Variants in PKNOX2 observed in about 807,000 individuals in gnomAD.
The protein encoded by PKNOX2 is PBX/knotted 1 homeobox 2.
PKNOX2 carries 14 observed loss-of-function variants against 53.1 expected under a neutral mutation model. The observed-to-expected ratio is 0.26, with a 90% CI of 0.17 to 0.41. The LOEUF is 0.41. Ranked by LOEUF, PKNOX2 falls within the 10% of genes least tolerant of loss-of-function variation. The pLI is 1.00. For synonymous variants in PKNOX2, 257 were observed against 242.8 expected (o/e 1.06, Z -0.54); for missense variants, 496 against 602.8 (o/e 0.82, Z 1.85).
intron 3 of PKNOX2, among the ~76,000 whole-genome samples, chr11:125,335,548 G>A (rs1314825191): frequency 6.6e-6 from 1 of 152,154 alleles, no homozygotes; most frequent in Non-Finnish European, 1.5e-5. Context: ...CATCTCTTGT[G>A]CAGTTTCATC....
intron 3 of PKNOX2, among the ~76,000 whole-genome samples, chr11:125,336,694 C>G (rs1269359429): frequency 6.8e-6 from 1 of 146,686 alleles, no homozygotes; most frequent in African/African-American, 2.5e-5. Context: ...AGTATATTCT[C>G]TATATAATAT....
intron 2 of PKNOX2, among the ~76,000 whole-genome samples, chr11:125,295,022 G>A (rs144972699): frequency 1.3e-5 from 2 of 152,318 alleles, no homozygotes; most frequent in African/African-American, 4.8e-5. Context: ...CGCTTTAGCC[G>A]GGTCAGTTTG....
intron 4 of PKNOX2, among the ~76,000 whole-genome samples, chr11:125,363,887 C>T (rs73618202): frequency 0.025 from 3,749 of 152,298 alleles, 160 homozygotes; most frequent in African/African-American, 0.085. Context: ...CCCTGATTTG[C>T]AGCATTTGCC....
At chr11:125,409,002 G>GC (rs1359281376) in intron 7 of PKNOX2, among the ~76,000 whole-genome samples, 1 of 152,148 alleles carries the variant, frequency 6.6e-6, no homozygotes. Context: ...CAGCATTTGA[G>GC]CATGGGAATG....
At chr11:125,224,378 G>A (rs1591486843) in intron 1 of PKNOX2, among the ~76,000 whole-genome samples, 1 of 152,370 alleles carries the variant, frequency 6.6e-6, no homozygotes, top group East Asian at 1.9e-4. Flanking sequence ...AGAGTAATCT[G>A]TCCTCTGCTG....
chr11:125,376,377 C>T (rs1366322269), intron 5 of PKNOX2, among the ~76,000 whole-genome samples: 2 of 152,150 alleles, frequency 1.3e-5, no homozygotes, highest in South Asian at 2.1e-4. Flanking sequence ...GCCGCTGGCT[C>T]GCTCCCACCC....
At chr11:125,303,106 T>G (rs550897870) in intron 2 of PKNOX2, among the ~76,000 whole-genome samples, 26 of 152,232 alleles carry the variant, frequency 1.7e-4, no homozygotes, top group African/African-American at 6.3e-4. Flanking sequence ...GTGGGAAAAT[T>G]CCCATCACAC....
rs144453144 is a variant in PKNOX2, at chr11:125,273,225, A to G, written c.-130+38110A>G. On this transcript the variant is annotated intron_variant, in intron 2 of 12. Transcript: ENST00000298282. Reference sequence around the variant, plus strand: ...TGTGCTTCTCGCCACTTGAAATTCTACTAAGAACCCAGAGGAGCAGCTGAA... The same window carrying G: ...TGTGCTTCTCGCCACTTGAAATTCTGCTAAGAACCCAGAGGAGCAGCTGAA... Among the ~76,000 whole-genome samples, 700 of 152,296 alleles carry G rather than the reference A, an allele frequency of 4.6e-3. 5 individuals are homozygous for G. Among genetic ancestry groups the G allele is most frequent in the African/African-American group, 0.014 (584 of 41,560 alleles).
intron 2 of PKNOX2, among the ~76,000 whole-genome samples, chr11:125,305,421 G>C (rs865884354): frequency 6.6e-6 from 1 of 152,088 alleles, no homozygotes; most frequent in Non-Finnish European, 1.5e-5. Context: ...AGCCTGCTGC[G>C]AACTCCCTGA....
chr11:125,327,326 C>T (rs1949882571), intron 2 of PKNOX2, among the ~76,000 whole-genome samples: 1 of 152,186 alleles, frequency 6.6e-6, no homozygotes, highest in Non-Finnish European at 1.5e-5. Flanking sequence ...GTGGGAGCTA[C>T]AGTGCTGGAG....
intron 1 of PKNOX2, among the ~76,000 whole-genome samples, chr11:125,178,676 A>AGG (rs1398624429): frequency 2.0e-5 from 2 of 98,864 alleles, no homozygotes; most frequent in African/African-American, 5.6e-5. Context: ...GAAGGAAAGA[A>AGG]AGAGAGAGAG....
chr11:125,199,820 C>G (rs568076533), intron 1 of PKNOX2, among the ~76,000 whole-genome samples: 89 of 152,336 alleles, frequency 5.8e-4, no homozygotes, highest in African/African-American at 2.1e-3. Context: ...TCACTCCAGC[C>G]TGAGTGACAA....
chr11:125,273,099 C>T (rs1056658342), intron 2 of PKNOX2, among the ~76,000 whole-genome samples: 3 of 152,188 alleles, frequency 2.0e-5, no homozygotes, highest in Admixed American at 1.3e-4. Context: ...TTGTCAGGCC[C>T]GGAGAGACTG....
At chr11:125,419,137 G>A (rs1956037240) in intron 10 of PKNOX2, among the ~76,000 whole-genome samples, 1 of 151,936 alleles carries the variant, frequency 6.6e-6, no homozygotes. Context: ...GGTTCCTGGG[G>A]CAGGACCTGG....
At chr11:125,208,300 C>T (rs680926) in intron 1 of PKNOX2, among the ~76,000 whole-genome samples, 1 of 151,748 alleles carries the variant, frequency 6.6e-6, no homozygotes, top group East Asian at 1.9e-4. Flanking sequence ...GCCACAGAAC[C>T]GAGGTAGATT....
At position 125,352,690 on chromosome 11, in the gene PKNOX2, C is replaced by T. The variant is rs956823956; in HGVS notation, c.87+1298C>T. On this transcript the variant is annotated intron_variant, in intron 4 of 12. Coordinates refer to ENST00000298282, the MANE Select transcript of PKNOX2 (RefSeq NM_001382323.2). This position sits in a 1 kb window ranked among gnomAD's most constrained non-coding sequence, Gnocchi z 4.1. ...CACCTTTGCTCTGCCCTTGAAGGTC[C>T]AAAAGCCCTGGTCCTTCACCAATCT... 1.1e-4 allele frequency among the ~76,000 whole-genome samples: 17 copies of T among 152,136 alleles called. No homozygotes were observed. Among genetic ancestry groups the T allele is most frequent in the African/African-American group, 4.1e-4 (17 of 41,434 alleles).
chr11:125,198,360 C>T (rs538030564), intron 1 of PKNOX2, among the ~76,000 whole-genome samples: 11 of 152,240 alleles, frequency 7.2e-5, no homozygotes, highest in African/African-American at 2.4e-4. Context: ...GGGTAGAGGG[C>T]GATACGACAC....
At chr11:125,322,359 A>G (rs757784010) in intron 2 of PKNOX2, among the ~76,000 whole-genome samples, 10 of 152,166 alleles carry the variant, frequency 6.6e-5, no homozygotes, top group Non-Finnish European at 1.3e-4. Context: ...AAGTGCCGGT[A>G]GCCATCCCTC....
intron 2 of PKNOX2, among the ~76,000 whole-genome samples, chr11:125,246,185 C>A (rs537576297): frequency 1.3e-5 from 2 of 152,226 alleles, no homozygotes; most frequent in South Asian, 2.1e-4. Context: ...AGTTCTGGAG[C>A]CTGGGAAGTC....
Sources: gnomAD v4.1 joint callset for allele counts (sites outside exome capture counted in the v4.1 genomes callset) on GRCh38, gnomAD v4.1.1 for gene constraint, Gnocchi (gnomAD v3.1) non-coding constraint, MANE v1.5 for transcripts, NCBI Gene and HGNC (gene_info 2026-07-23, HGNC 2026-07-21) for gene names.